PLPPR1: variants seen among roughly 807,000 people sequenced by gnomAD.
PLPPR1 encodes the protein phospholipid phosphatase-related protein type 1.
PLPPR1 carries 10 observed loss-of-function variants against 33.1 expected under a neutral mutation model. That is an observed-to-expected ratio of 0.30 (90% CI 0.19 to 0.51). The LOEUF is 0.51. Ranked by LOEUF, PLPPR1 falls within the 20% of genes least tolerant of loss-of-function variation. PLPPR1 has a pLI of 0.97. For missense variants in PLPPR1, 304 were observed against 408.1 expected (o/e 0.74, Z 2.20); for synonymous variants, 151 against 151.0 (o/e 1.00, Z 0.00).
chr9:101,321,523 G>A (rs1213388737), intron 7 of PLPPR1, among the ~76,000 whole-genome samples: 1 of 152,006 alleles, frequency 6.6e-6, no homozygotes, highest in African/African-American at 2.4e-5. Flanking sequence ...TAAAGTTGTT[G>A]GGATCCCAAA....
chr9:101,273,624 A>G (rs10989462), intron 3 of PLPPR1, among the ~76,000 whole-genome samples: 60,349 of 152,126 alleles, frequency 0.4, 11,980 homozygotes, highest in Middle Eastern at 0.44. Flanking sequence ...AAGAAGATAC[A>G]TTGTGGATGT....
rs1347562456 is a variant in PLPPR1 at position 101,180,129 on chromosome 9, TATATATATATATATAC to T, written c.-45-5319_-45-5304del. On this transcript the variant is annotated intron_variant, in intron 1 of 7. Coordinates refer to ENST00000374874, the MANE Select transcript of PLPPR1 (RefSeq NM_207299.2). Reference sequence around the variant, plus strand: ...ATATATATATATATATATATATATATATATATATATATATACACACACACACACACACATACACACA... The same window carrying T: ...ATATATATATATATATATATATATATACACACACACACACACATACACACA... Among the ~76,000 whole-genome samples, 52 of 36,132 alleles carry T rather than the reference TATATATATATATATAC, an allele frequency of 1.4e-3. 3 individuals are homozygous for T. Among genetic ancestry groups the T allele is most frequent in the African/African-American group, 6.6e-3 (46 of 6,954 alleles). The allele number at this position is 36,132 out of a possible 152,430, so 23.7% of individuals were successfully genotyped here.
chr9:101,148,251 C>T (rs978846747), intron 1 of PLPPR1, among the ~76,000 whole-genome samples: 8 of 152,182 alleles, frequency 5.3e-5, no homozygotes, highest in African/African-American at 1.7e-4. Flanking sequence ...TGGCTGGGGA[C>T]TCTGCCCTCT....
At position 101,296,203 on chromosome 9, in the gene PLPPR1, C is replaced by T. The variant is rs1288032744; in HGVS notation, c.385+9967C>T. Among the ~76,000 whole-genome samples, 1,007 of 146,510 alleles carry T rather than the reference C, an allele frequency of 6.9e-3. 6 individuals carry two copies. Among genetic ancestry groups the T allele is most frequent in the African/African-American group, 0.016 (626 of 39,734 alleles). On this transcript the variant is annotated intron_variant, in intron 4 of 7. Coordinates refer to ENST00000374874, the MANE Select transcript of PLPPR1 (RefSeq NM_207299.2). ...GCCAAAAAACACATGAAAAAATGCTCACCATCACTGGCCATCAGAGAAATG... is the reference window on the plus strand; with the variant it reads ...GCCAAAAAACACATGAAAAAATGCTTACCATCACTGGCCATCAGAGAAATG...
intron 2 of PLPPR1, among the ~76,000 whole-genome samples, chr9:101,237,979 C>CTATATATATATA (rs367867610): frequency 0.014 from 1,108 of 79,288 alleles, 20 homozygotes; most frequent in Middle Eastern, 0.036. Context: ...GCTATATAGC[C>CTATATATATATA]TATATATATA....
At chr9:101,215,572 C>T (rs1826777288) in intron 2 of PLPPR1, among the ~76,000 whole-genome samples, 1 of 152,156 alleles carries the variant, frequency 6.6e-6, no homozygotes, top group Admixed American at 6.5e-5. Context: ...CCCAGCTGGC[C>T]TCATTCATTC....
intron 1 of PLPPR1, among the ~76,000 whole-genome samples, chr9:101,113,948 TG>T (rs1831088740): frequency 6.6e-6 from 1 of 152,102 alleles, no homozygotes; most frequent in South Asian, 2.1e-4. Flanking sequence ...GCCTGGAACC[TG>T]GAAGGGGACT....
intron 1 of PLPPR1, among the ~76,000 whole-genome samples, chr9:101,049,715 T>C (rs1010360883): frequency 6.6e-6 from 1 of 151,984 alleles, no homozygotes; most frequent in Admixed American, 6.6e-5. Context: ...TTTCAACATA[T>C]GGAGTAATGG....
intron 2 of PLPPR1, among the ~76,000 whole-genome samples, chr9:101,246,403 CATACTAGCAAATG>C (rs1410065820): frequency 6.6e-6 from 1 of 152,002 alleles, no homozygotes; most frequent in African/African-American, 2.4e-5. Context: ...TGCTAATCAA[CATACTAGCAAATG>C]ATAATAGCAC....
chr9:101,143,656 G>T (rs1831483106), intron 1 of PLPPR1, among the ~76,000 whole-genome samples: 1 of 152,156 alleles, frequency 6.6e-6, no homozygotes, highest in Admixed American at 6.5e-5. Context: ...AGACATTTAC[G>T]CAGCCAACAG....
intron 1 of PLPPR1, among the ~76,000 whole-genome samples, chr9:101,093,548 G>T (rs1160592907): frequency 6.6e-6 from 1 of 152,120 alleles, no homozygotes; most frequent in Non-Finnish European, 1.5e-5. Flanking sequence ...TTAGTTCCTT[G>T]TCTGTTTTGA....
At chr9:101,109,747 G>C (rs1831028033) in intron 1 of PLPPR1, among the ~76,000 whole-genome samples, 1 of 152,070 alleles carries the variant, frequency 6.6e-6, no homozygotes, top group South Asian at 2.1e-4. Flanking sequence ...TAGTATTCTT[G>C]GGTATATTCC....
chr9:101,210,436 G>A (rs1334964042), intron 2 of PLPPR1, among the ~76,000 whole-genome samples: 1 of 152,068 alleles, frequency 6.6e-6, no homozygotes, highest in East Asian at 1.9e-4. Context: ...TCTGTGCCTC[G>A]CCATTCCCAC....
intron 1 of PLPPR1, among the ~76,000 whole-genome samples, chr9:101,148,370 A>C (rs1378954746): frequency 6.6e-6 from 1 of 152,184 alleles, no homozygotes; most frequent in East Asian, 1.9e-4. Context: ...CTTAAAGAGT[A>C]AGAAAATTGC....
chr9:101,051,385 T>C (rs1830221379), intron 1 of PLPPR1, among the ~76,000 whole-genome samples: 1 of 152,152 alleles, frequency 6.6e-6, no homozygotes, highest in East Asian at 1.9e-4. Flanking sequence ...TCATGAAATC[T>C]AAGCTCTTTA....
chr9:101,298,312 C>T (rs962951386), intron 4 of PLPPR1, among the ~76,000 whole-genome samples: 4 of 152,160 alleles, frequency 2.6e-5, no homozygotes, highest in Non-Finnish European at 4.4e-5. Context: ...CATTTAGGTC[C>T]GGTCCGAGGA....
At chr9:101,288,596 C>T (rs942540801) in intron 4 of PLPPR1, among the ~76,000 whole-genome samples, 9 of 152,158 alleles carry the variant, frequency 5.9e-5, no homozygotes, top group Admixed American at 2.0e-4. Context: ...ACTTCCTTCA[C>T]GCTTTCCCTC....
intron 1 of PLPPR1, among the ~76,000 whole-genome samples, chr9:101,043,273 ATATATATGTGTGTGTGTG>A (rs1278875246): frequency 6.6e-6 from 1 of 151,610 alleles, no homozygotes; most frequent in Non-Finnish European, 1.5e-5. Flanking sequence ...ATTCCATCAT[ATATATATGTGTGTGTGTG>A]TATATATGTA....
At position 101,199,879 on chromosome 9, in the gene PLPPR1, G is replaced by A. The variant is rs1301987982; in HGVS notation, c.63+14322G>A. Among the ~76,000 whole-genome samples the A allele has an allele frequency of 1.6e-4, 25 of 152,122 alleles. 1 individual carries two copies. Among genetic ancestry groups the A allele is most frequent in the Admixed American group, 1.6e-3 (25 of 15,266 alleles). On this transcript the variant is annotated intron_variant, in intron 2 of 7. Coordinates refer to ENST00000374874, the MANE Select transcript of PLPPR1 (RefSeq NM_207299.2). ...CCCAACCACTGATTTTAATCAGAAT[G>A]GGACGAAACTAGAGATTTGCATTTT...
Sources: allele counts gnomAD v4.1 joint callset (sites outside exome capture counted in the v4.1 genomes callset), GRCh38; gene constraint gnomAD v4.1.1; transcripts MANE v1.5; gene names NCBI Gene and HGNC (gene_info 2026-07-23, HGNC 2026-07-21).